The following REC114 variants were observed in gnomAD, a reference collection of about 807,000 sequenced individuals.
The protein encoded by REC114 is meiotic recombination protein REC114.
Under a neutral mutation model 31.3 loss-of-function variants are expected in REC114, and 27 were observed. The observed-to-expected ratio is 0.86, with a 90% CI of 0.64 to 1.19. REC114 has a LOEUF of 1.19. REC114 is among the 50% of genes most tolerant of loss of function. The pLI, the probability that REC114 is intolerant of heterozygous loss-of-function variation, is 0.00. For synonymous variants in REC114, 134 were observed against 127.7 expected (o/e 1.05, Z -0.33); for missense variants, 344 against 326.9 (o/e 1.05, Z -0.40).
intron 2 of REC114, among the ~76,000 whole-genome samples, chr15:73,524,066 T>C (rs1008785334): frequency 6.6e-6 from 1 of 152,220 alleles, no homozygotes; most frequent in Non-Finnish European, 1.5e-5. Context: ...GATTTCATTT[T>C]TTTTGCACCA....
intron 2 of REC114, among the ~76,000 whole-genome samples, chr15:73,533,596 T>G (rs1028863424): frequency 6.3e-4 from 96 of 151,582 alleles, no homozygotes; most frequent in Non-Finnish European, 1.3e-3. Context: ...TGGGAGACTT[T>G]AACACCCCAA....
chr15:73,491,148 A>G (rs1893436254), intron 2 of REC114, among the ~76,000 whole-genome samples: 1 of 152,074 alleles, frequency 6.6e-6, no homozygotes, highest in South Asian at 2.1e-4. Flanking sequence ...TAGAGCTGTT[A>G]TGAACATTTA....
intron 1 of REC114, among the ~76,000 whole-genome samples, chr15:73,449,392 A>G (rs759633568): frequency 6.6e-6 from 1 of 152,136 alleles, no homozygotes; most frequent in Admixed American, 6.5e-5. Flanking sequence ...AGAAGAAAGG[A>G]TGTCAGAGAC....
chr15:73,489,486 G>A lies in REC114; in HGVS notation c.249+15565G>A, dbSNP rs372221893. 2.2e-4 allele frequency among the ~76,000 whole-genome samples: 34 copies of A among 151,880 alleles called. No individual in the cohort carries two copies. The East Asian group carries it at 2.3e-3, about 10-fold the overall frequency. On this transcript the variant is annotated intron_variant, in intron 2 of 5. Transcript: ENST00000331090. ...TTCCCAAACTGTTGGGATTACAGGC[G>A]TGAGCCACCACGCCTGGCACCTGGA...
At chr15:73,476,979 A>T (rs1446165357) in intron 2 of REC114, among the ~76,000 whole-genome samples, 1 of 152,220 alleles carries the variant, frequency 6.6e-6, no homozygotes, top group African/African-American at 2.4e-5. Flanking sequence ...CATTCTCATA[A>T]GCAACGTATG....
chr15:73,496,429 C>CG (rs1162661742), intron 2 of REC114, among the ~76,000 whole-genome samples: 1 of 149,590 alleles, frequency 6.7e-6, no homozygotes, highest in Non-Finnish European at 1.5e-5. Flanking sequence ...GAGGCCAAGG[C>CG]GGGCATATCA....
intron 2 of REC114, among the ~76,000 whole-genome samples, chr15:73,514,334 C>G (rs1010646894): frequency 2.2e-4 from 34 of 151,892 alleles, no homozygotes; most frequent in South Asian, 1.3e-3. Context: ...CTGGCCTGCG[C>G]CCACTGTCTG....
intron 2 of REC114, among the ~76,000 whole-genome samples, chr15:73,497,398 T>C (rs959026400): frequency 6.6e-6 from 1 of 152,238 alleles, no homozygotes; most frequent in East Asian, 1.9e-4. Flanking sequence ...TATGGACTCA[T>C]AGATGCTCAC....
intron 1 of REC114, 98 bp from the exon 2 acceptor site, chr15:73,473,734 A>G (rs1288080258): frequency 1.5e-6 from 1 of 659,146 alleles, no homozygotes; most frequent in East Asian, 2.9e-5. Flanking sequence ...CGGAGTAAAA[A>G]GATCAATATG....
In REC114 at chr15:73,482,394, A is replaced by G. The variant is rs184774261; in HGVS notation, c.249+8473A>G. Among the ~76,000 whole-genome samples, 11 of 152,242 alleles carry G rather than the reference A, an allele frequency of 7.2e-5. No homozygotes were observed. In the East Asian group the frequency reaches 2.1e-3, roughly 29 times the overall value. ...CTTGTTCCTGTTCTTGCCATGCGAC[A>G]TGCCTCTTCCCCCTTTGCCTTCTGC... is the stretch of plus-strand genomic sequence containing the variant. On this transcript the variant is annotated intron_variant, in intron 2 of 5. Transcript: ENST00000331090.
chr15:73,534,202 G>C (rs1894124081), intron 2 of REC114, among the ~76,000 whole-genome samples: 1 of 151,842 alleles, frequency 6.6e-6, no homozygotes, highest in Non-Finnish European at 1.5e-5. Context: ...CAGAACTGAA[G>C]GAAATAGAGA....
chr15:73,477,332 T>TA (rs899835487), intron 2 of REC114, among the ~76,000 whole-genome samples: 1 of 152,242 alleles, frequency 6.6e-6, no homozygotes, highest in Admixed American at 6.5e-5. Flanking sequence ...GAGCAGAAGT[T>TA]AAAAATTTTG....
intron 2 of REC114, among the ~76,000 whole-genome samples, chr15:73,515,896 G>A (rs1893852008): frequency 6.6e-6 from 1 of 152,134 alleles, no homozygotes; most frequent in Non-Finnish European, 1.5e-5. Context: ...AATATAGGAT[G>A]TGTTGAAGGC....
At chr15:73,503,377 T>G (rs1893627710) in intron 2 of REC114, among the ~76,000 whole-genome samples, 1 of 152,196 alleles carries the variant, frequency 6.6e-6, no homozygotes, top group Non-Finnish European at 1.5e-5. Flanking sequence ...TATTGAGGTA[T>G]AACTTATACT....
chr15:73,553,816 G>T (rs1288394733), intron 4 of REC114, among the ~76,000 whole-genome samples: 1 of 152,136 alleles, frequency 6.6e-6, no homozygotes, highest in Non-Finnish European at 1.5e-5. Context: ...GGACTCTTCT[G>T]AACTGTAATT....
At chr15:73,510,698 AATC>A (rs1893751436) in intron 2 of REC114, among the ~76,000 whole-genome samples, 1 of 147,344 alleles carries the variant, frequency 6.8e-6, no homozygotes, top group Non-Finnish European at 1.5e-5. Context: ...CTATTGAGAT[AATC>A]ATGTGGTTTT....
intron 2 of REC114, among the ~76,000 whole-genome samples, chr15:73,534,475 A>T (rs1894128804): frequency 6.6e-6 from 1 of 152,196 alleles, no homozygotes; most frequent in Non-Finnish European, 1.5e-5. Flanking sequence ...CCAAGACTAA[A>T]CCAGGAAGAA....
intron 1 of REC114, among the ~76,000 whole-genome samples, chr15:73,457,065 C>CTTTT (rs934090597): frequency 1.8e-4 from 12 of 68,010 alleles, no homozygotes; most frequent in African/African-American, 2.9e-4. Flanking sequence ...TATTTCTGAG[C>CTTTT]TTTTTTTTTT....
At chr15:73,558,832 C>A (rs1894519167) in intron 5 of REC114, among the ~76,000 whole-genome samples, 1 of 152,184 alleles carries the variant, frequency 6.6e-6, no homozygotes, top group Non-Finnish European at 1.5e-5. Flanking sequence ...AACCTGTGTT[C>A]ACACAAAAAC....
Sources: allele counts gnomAD v4.1 joint callset (sites outside exome capture counted in the v4.1 genomes callset), GRCh38; gene constraint gnomAD v4.1.1; transcripts MANE v1.5; gene names NCBI Gene and HGNC (gene_info 2026-07-23, HGNC 2026-07-21).